The following FGF12 variants were observed in gnomAD, a reference collection of about 807,000 sequenced individuals.
The protein encoded by FGF12 is fibroblast growth factor 12B.
A neutral mutation model predicts 23.6 loss-of-function variants in FGF12; 14 were observed. The ratio of observed to expected loss-of-function variants is 0.59; its 90% CI spans 0.39 to 0.93. FGF12 has a LOEUF of 0.93. Among genes scored for constraint, FGF12 ranks in the 40% least tolerant of loss-of-function variants. The pLI is 0.00. For missense variants in FGF12, 175 were observed against 217.8 expected, an observed-to-expected ratio of 0.80 and a Z score of 1.24; for synonymous variants, 62 against 77.3, an observed-to-expected ratio of 0.80 and a Z score of 1.04.
At chr3:192,568,922 C>A (rs1290240023) in intron 2 of FGF12, among the ~76,000 whole-genome samples, 1 of 152,084 alleles carries the variant, frequency 6.6e-6, no homozygotes, top group South Asian at 2.1e-4. Context: ...CTTCGAGAAC[C>A]AACTTAAGGG....
At chr3:192,477,164 T>A (rs1014419397) in intron 2 of FGF12, among the ~76,000 whole-genome samples, 2 of 152,108 alleles carry the variant, frequency 1.3e-5, no homozygotes, top group Admixed American at 6.6e-5. Context: ...AAGGCAGCGG[T>A]GACATTCTGC....
At chr3:192,629,121 A>T (rs1195584643) in intron 2 of FGF12, among the ~76,000 whole-genome samples, 1 of 152,254 alleles carries the variant, frequency 6.6e-6, no homozygotes, top group African/African-American at 2.4e-5. Flanking sequence ...TTTAGAATCT[A>T]GGAAGAATCT....
chr3:192,221,744 T>A (rs1461245689), intron 4 of FGF12, among the ~76,000 whole-genome samples: 1 of 152,126 alleles, frequency 6.6e-6, no homozygotes, highest in Admixed American at 6.5e-5. Flanking sequence ...CAACAAAGAT[T>A]TACTGAAGTA....
intron 2 of FGF12, among the ~76,000 whole-genome samples, chr3:192,596,536 A>C (rs137978202): frequency 1.3e-5 from 2 of 152,298 alleles, no homozygotes; most frequent in South Asian, 2.1e-4. Flanking sequence ...AAATAAGCTA[A>C]GTTTTAGAGG....
At chr3:192,510,021 G>T (rs1363177560) in intron 2 of FGF12, among the ~76,000 whole-genome samples, 1 of 152,098 alleles carries the variant, frequency 6.6e-6, no homozygotes, top group Admixed American at 6.6e-5. Flanking sequence ...ATACGGCGGG[G>T]CTCTTCATCA....
chr3:192,575,324 T>C (rs1419842409), intron 2 of FGF12, among the ~76,000 whole-genome samples: 1 of 152,260 alleles, frequency 6.6e-6, no homozygotes, highest in African/African-American at 2.4e-5. Context: ...GTGCACAGTT[T>C]GTTGTAATCT....
intron 2 of FGF12, among the ~76,000 whole-genome samples, chr3:192,584,145 GA>G (rs1713274384): frequency 6.6e-6 from 1 of 152,158 alleles, no homozygotes; most frequent in African/African-American, 2.4e-5. Flanking sequence ...AGGAGCAAAA[GA>G]GATGAATAAT....
intron 4 of FGF12, among the ~76,000 whole-genome samples, chr3:192,298,801 G>A (rs1715185331): frequency 6.6e-6 from 1 of 152,176 alleles, no homozygotes. Context: ...CAAGAAGCAT[G>A]GCACCAGCCT....
intron 2 of FGF12, among the ~76,000 whole-genome samples, chr3:192,680,925 C>G (rs1319209419): frequency 6.6e-6 from 1 of 152,164 alleles, no homozygotes; most frequent in African/African-American, 2.4e-5. Context: ...TAGTTGGAAG[C>G]TACTCTAAAT....
At position 192,259,745 on chromosome 3, in the gene FGF12, A is replaced by G. The variant is rs151112906; in HGVS notation, c.228+75616T>C. Among the ~76,000 whole-genome samples, 422 of 152,254 alleles carry G rather than the reference A, an allele frequency of 2.8e-3. 3 individuals carry two copies. The highest frequency in any genetic ancestry group is 9.7e-3 in the African/African-American group (403 of 41,570). ...TATAAGATACAAAAAGACAATAAATATGTTCTTACCACAAAATAGTGGAAA... is the reference window on the plus strand; with the variant it reads ...TATAAGATACAAAAAGACAATAAATGTGTTCTTACCACAAAATAGTGGAAA... On this transcript the variant is annotated intron_variant, in intron 4 of 5. Transcript: ENST00000445105.
chr3:192,274,593 A>AAGAGAGAGAG (rs137930372), intron 4 of FGF12, among the ~76,000 whole-genome samples: 1 of 151,348 alleles, frequency 6.6e-6, no homozygotes, highest in East Asian at 2.0e-4. Context: ...GAAGAGGGGA[A>AAGAGAGAGAG]AGAGAGAGAG....
intron 3 of FGF12, among the ~76,000 whole-genome samples, chr3:192,348,030 T>A (rs1263245473): frequency 6.6e-6 from 1 of 152,158 alleles, no homozygotes; most frequent in Admixed American, 6.5e-5. Context: ...AATGGACTAT[T>A]TATAACACTA....
chr3:192,159,458 G>A (rs11919142), intron 5 of FGF12, among the ~76,000 whole-genome samples: 9,207 of 152,190 alleles, frequency 0.06, 335 homozygotes, highest in South Asian at 0.077. Context: ...TCCAATAAAT[G>A]TTAGTGTTCC....
chr3:192,438,280 CCT>C (rs1722089872), intron 2 of FGF12, among the ~76,000 whole-genome samples: 1 of 152,192 alleles, frequency 6.6e-6, no homozygotes, highest in South Asian at 2.1e-4. Flanking sequence ...AGCTCATGAC[CCT>C]CTACTCTTAC....
intron 2 of FGF12, among the ~76,000 whole-genome samples, chr3:192,499,227 C>T (rs1462364744): frequency 2.0e-5 from 3 of 152,048 alleles, no homozygotes; most frequent in Admixed American, 2.0e-4. Flanking sequence ...ATCATAATCA[C>T]TTTACAGATG....
chr3:192,586,990 A>G (rs933132878), intron 2 of FGF12, among the ~76,000 whole-genome samples: 1 of 152,204 alleles, frequency 6.6e-6, no homozygotes, highest in Admixed American at 6.5e-5. Flanking sequence ...AGAGTCTAAC[A>G]TGATAATTCT....
At chr3:192,203,986 G>C (rs1158293334) in intron 4 of FGF12, among the ~76,000 whole-genome samples, 1 of 152,020 alleles carries the variant, frequency 6.6e-6, no homozygotes, top group Non-Finnish European at 1.5e-5. Context: ...ATAAAGGCCA[G>C]TGGTTCATTG....
chr3:192,495,478 G>A (rs1224088551), intron 2 of FGF12, among the ~76,000 whole-genome samples: 4 of 152,066 alleles, frequency 2.6e-5, no homozygotes, highest in Non-Finnish European at 5.9e-5. Context: ...TTATATATGT[G>A]TGTGTAAGTC....
intron 4 of FGF12, among the ~76,000 whole-genome samples, chr3:192,258,818 A>G (rs1387579401): frequency 1.3e-5 from 2 of 152,156 alleles, no homozygotes; most frequent in Non-Finnish European, 2.9e-5. Context: ...ACTTGTGAAA[A>G]TCGTGTTTCT....
Sources: gnomAD v4.1 joint callset for allele counts (sites outside exome capture counted in the v4.1 genomes callset) on GRCh38, gnomAD v4.1.1 for gene constraint, MANE v1.5 for transcripts, NCBI Gene and HGNC (gene_info 2026-07-23, HGNC 2026-07-21) for gene names.